WWC1: variants seen among roughly 807,000 people sequenced by gnomAD.
WWC1 encodes WW and C2 domain containing 1.
In WWC1, 55 loss-of-function variants were observed where a neutral mutation model predicts 138.4. The observed-to-expected ratio is 0.40, with a 90% CI of 0.32 to 0.50. The LOEUF is 0.50. Among genes scored for constraint, WWC1 ranks in the 20% least tolerant of loss-of-function variants. The pLI is 0.72. For synonymous variants in WWC1, 524 were observed against 564.9 expected, an observed-to-expected ratio of 0.93 and a Z score of 1.03; for missense variants, 1,226 against 1,420.4, an observed-to-expected ratio of 0.86 and a Z score of 2.20.
rs548472870 is a variant in WWC1, at chr5:168,448,401, T to A, written c.2525+3816T>A. Among the ~76,000 whole-genome samples, 8 of 152,124 alleles carry A rather than the reference T, an allele frequency of 5.3e-5. No individual in the cohort carries two copies. In the East Asian group the frequency reaches 1.5e-3, roughly 29 times the overall value. On this transcript the variant is annotated intron_variant, in intron 17 of 22. Coordinates refer to ENST00000265293, the MANE Select transcript of WWC1 (RefSeq NM_015238.3). ...AAATGATATAATCAGAAAACTGGAT[T>A]TTTTTTTAAAAGATCCACAAGCAAA...
At chr5:168,340,590 G>A (rs1773962079) in intron 1 of WWC1, among the ~76,000 whole-genome samples, 1 of 151,364 alleles carries the variant, frequency 6.6e-6, no homozygotes, top group Non-Finnish European at 1.5e-5. Flanking sequence ...TACAATATGT[G>A]ACCTTTTGTG....
chr5:168,349,907 C>A (rs1774803096), intron 1 of WWC1, among the ~76,000 whole-genome samples: 1 of 152,184 alleles, frequency 6.6e-6, no homozygotes. Flanking sequence ...CCACCTTTCA[C>A]CTAGCAAGAA....
In WWC1 at chr5:168,294,771, G is replaced by T. The variant is rs1769378209; in HGVS notation, c.119+2500G>T. 2.6e-5 allele frequency among the ~76,000 whole-genome samples: 4 copies of T among 152,106 alleles called. No individual in the cohort carries two copies. The South Asian group carries it at 8.3e-4, about 32-fold the overall frequency. On this transcript the variant is annotated intron_variant, in intron 1 of 22. Coordinates refer to ENST00000265293, the MANE Select transcript of WWC1 (RefSeq NM_015238.3). The stretch of plus-strand genomic sequence containing the variant: ...CTCCCGAGTAGCTGGGACTACAGGT[G>T]CACGCCACCACATCCAGCCAATTTT...
intron 21 of WWC1, among the ~76,000 whole-genome samples, chr5:168,465,797 T>C (rs1757245983): frequency 6.6e-6 from 1 of 151,992 alleles, no homozygotes; most frequent in African/African-American, 2.4e-5. Flanking sequence ...GGCTCAAACA[T>C]TCAACCTGCC....
rs544890040 is a variant in WWC1 at position 168,427,224 on chromosome 5, G to A, written c.1811-809G>A. The stretch of plus-strand genomic sequence containing the variant: ...GCCATTGAAAGTATGGATATCTACA[G>A]TGATAGGAACAGTAGTGGCAATAAG... On this transcript the variant is annotated intron_variant, in intron 11 of 22. Coordinates refer to ENST00000265293, the MANE Select transcript of WWC1 (RefSeq NM_015238.3). Among the ~76,000 whole-genome samples the A allele has an allele frequency of 4.6e-5, 7 of 152,316 alleles. No homozygotes were observed. In the South Asian group the frequency reaches 1.4e-3, roughly 32 times the overall value.
intron 1 of WWC1, among the ~76,000 whole-genome samples, chr5:168,320,875 G>A (rs1205298549): frequency 2.0e-5 from 3 of 152,090 alleles, no homozygotes; most frequent in Non-Finnish European, 1.5e-5. Context: ...AGTGAGTGCA[G>A]AACTGGCAAC....
chr5:168,399,101 T>C (rs1375711981), intron 4 of WWC1, among the ~76,000 whole-genome samples: 1 of 152,214 alleles, frequency 6.6e-6, no homozygotes, highest in Non-Finnish European at 1.5e-5. Flanking sequence ...TCCATGGCTC[T>C]GGAAATTGCC....
intron 5 of WWC1, among the ~76,000 whole-genome samples, chr5:168,401,091 G>A (rs1016197065): frequency 2.4e-4 from 36 of 151,298 alleles, no homozygotes; most frequent in African/African-American, 7.8e-4. Context: ...ACCCTGTCTC[G>A]AAAAAAAGGA....
chr5:168,307,042 C>T (rs763400555), intron 1 of WWC1, among the ~76,000 whole-genome samples: 1 of 152,244 alleles, frequency 6.6e-6, no homozygotes, highest in Non-Finnish European at 1.5e-5. Context: ...AGATCGCAGC[C>T]TGTGGACAGG....
At chr5:168,420,649 C>T (rs1208057010) in intron 9 of WWC1, among the ~76,000 whole-genome samples, 3 of 152,138 alleles carry the variant, frequency 2.0e-5, no homozygotes, top group East Asian at 1.9e-4. Flanking sequence ...TCTCTTCCCC[C>T]GGGATCCTCT....
intron 15 of WWC1, among the ~76,000 whole-genome samples, chr5:168,433,250 G>T (rs1782090124): frequency 6.6e-6 from 1 of 152,228 alleles, no homozygotes; most frequent in African/African-American, 2.4e-5. Context: ...CTGGCTAAAT[G>T]CAGATTCTGA....
chr5:168,467,004 G>A (rs1391960225), intron 21 of WWC1, among the ~76,000 whole-genome samples: 5 of 152,212 alleles, frequency 3.3e-5, no homozygotes, highest in Admixed American at 2.0e-4. Context: ...GCTCACGCCT[G>A]TAATCCCAGC....
chr5:168,369,736 A>G (rs1776591285), intron 1 of WWC1, among the ~76,000 whole-genome samples: 2 of 152,112 alleles, frequency 1.3e-5, no homozygotes, highest in African/African-American at 4.8e-5. Context: ...GTGGTACGTG[A>G]ACACACCAGG....
At chr5:168,460,539 G>A (rs536084219) in intron 19 of WWC1, 111 bp from the exon 20 acceptor site, 3 of 930,024 alleles carry the variant, frequency 3.2e-6, no homozygotes, top group East Asian at 5.2e-5. Flanking sequence ...GTTTGCAGAA[G>A]GAGAGGAAGG....
chr5:168,299,850 C>T (rs979110652), intron 1 of WWC1, among the ~76,000 whole-genome samples: 3 of 152,198 alleles, frequency 2.0e-5, no homozygotes, highest in Non-Finnish European at 2.9e-5. Flanking sequence ...CAGGGAATGC[C>T]GACCTAATGT....
chr5:168,314,816 ACCTTTCCTG>A (rs1771431142), intron 1 of WWC1, among the ~76,000 whole-genome samples: 1 of 152,146 alleles, frequency 6.6e-6, no homozygotes, highest in Non-Finnish European at 1.5e-5. Flanking sequence ...GAAGCAACTA[ACCTTTCCTG>A]GCATGAGGGT....
chr5:168,441,640 C>T, intron 15 of WWC1, 42 bp from the exon 16 acceptor site: 4 of 1,598,154 alleles, frequency 2.5e-6, no homozygotes, highest in Admixed American at 3.4e-5. Flanking sequence ...CTGGTGTCCC[C>T]CCCACCGCCA....
intron 1 of WWC1, among the ~76,000 whole-genome samples, chr5:168,355,217 G>T (rs553039454): frequency 1.3e-5 from 2 of 152,144 alleles, no homozygotes; most frequent in Non-Finnish European, 2.9e-5. Context: ...TTTCAGGCTG[G>T]GCGTGGTGGC....
chr5:168,429,256 A>ATTTTTT (rs67280988), intron 13 of WWC1, among the ~76,000 whole-genome samples: 9 of 116,392 alleles, frequency 7.7e-5, no homozygotes, highest in Admixed American at 1.8e-4. Context: ...TATGATCTCA[A>ATTTTTT]TTTTTTTTTT....
Sources: allele counts gnomAD v4.1 joint callset (sites outside exome capture counted in the v4.1 genomes callset), GRCh38; gene constraint gnomAD v4.1.1; transcripts MANE v1.5; gene names NCBI Gene and HGNC (gene_info 2026-07-23, HGNC 2026-07-21).